Variants in NQO2 observed in about 807,000 individuals in gnomAD.
NQO2 encodes the protein ribosyldihydronicotinamide dehydrogenase [quinone].
A neutral mutation model predicts 22.0 loss-of-function variants in NQO2; 18 were observed. The ratio of observed to expected loss-of-function variants is 0.82; its 90% CI spans 0.56 to 1.21. NQO2 has a LOEUF of 1.21. NQO2 is among the 50% of genes most tolerant of loss of function. The pLI is 0.00. For synonymous variants in NQO2, 106 were observed against 110.8 expected (o/e 0.96, Z 0.28); for missense variants, 267 against 286.9 (o/e 0.93, Z 0.50).
intron 6 of NQO2, 50 bp downstream of exon 6, chr6:3,017,035 GACAC>G (rs1427037241): frequency 1.9e-6 from 3 of 1,595,220 alleles, no homozygotes; most frequent in Admixed American, 1.7e-5. Flanking sequence ...CGCACACACA[GACAC>G]ACACATGCAC....
chr6:3,012,448 T>A, intron 3 of NQO2, 96 bp from the exon 4 acceptor site: 1 of 1,535,698 alleles, frequency 6.5e-7, no homozygotes, highest in South Asian at 1.3e-5. Context: ...CTTTGACTTG[T>A]CTGAGGAGTC....
chr6:3,018,088 T>A (rs1276793290), intron 6 of NQO2, among the ~76,000 whole-genome samples: 1 of 152,238 alleles, frequency 6.6e-6, no homozygotes, highest in Non-Finnish European at 1.5e-5. Context: ...TTCAATTATA[T>A]CTTCTAAAAG....
chr6:3,015,582 G>A lies in NQO2; in HGVS notation c.356G>A (p.Arg119Lys). 1 of 1,614,176 alleles carries A rather than the reference G, an allele frequency of 6.2e-7. No homozygotes were observed. The highest frequency in any genetic ancestry group is 8.5e-7 in the Non-Finnish European group (1 of 1,180,032). ...VPAILKGWMD[R>K]VLCQGFAFDI... Reference sequence around the variant, plus strand: ...GCCATCCTGAAGGGCTGGATGGATAGGGTGCTGTGCCAGGGCTTTGCCTTT... The same window carrying A: ...GCCATCCTGAAGGGCTGGATGGATAAGGTGCTGTGCCAGGGCTTTGCCTTT... Residue 119 changes from arginine to lysine, a missense_variant, in exon 5 of 7, where the codon AGG becomes AAG. By Grantham distance (26) the Arg-to-Lys change is conservative. Transcript: ENST00000380455.
intron 5 of NQO2, 103 bp from the exon 6 acceptor site, chr6:3,016,781 G>C (rs1581335500): frequency 6.5e-7 from 1 of 1,527,446 alleles, no homozygotes; most frequent in Non-Finnish European, 8.8e-7. Context: ...GTGTCCACAC[G>C]CATGTTCCCT....
chr6:3,012,335 C>T (rs936365244), intron 3 of NQO2: 2 of 951,470 alleles, frequency 2.1e-6, no homozygotes, highest in Non-Finnish European at 2.5e-6. Context: ...TAGAGCACAG[C>T]ACCTGCTAGG....
chr6:3,016,782 C>T, intron 5 of NQO2, 102 bp from the exon 6 acceptor site: 2 of 1,530,906 alleles, frequency 1.3e-6, no homozygotes, highest in East Asian at 2.4e-5. Flanking sequence ...TGTCCACACG[C>T]ATGTTCCCTG....
At chr6:3,017,647 T>C (rs914894176) in intron 6 of NQO2, among the ~76,000 whole-genome samples, 1 of 152,146 alleles carries the variant, frequency 6.6e-6, no homozygotes, top group African/African-American at 2.4e-5. Context: ...GCAGAGCAGT[T>C]CCAACGTGCT....
chr6:3,006,078 C>T lies in NQO2; in HGVS notation c.-85-390C>T, dbSNP rs1294582927. Among the ~76,000 whole-genome samples the T allele has an allele frequency of 6.6e-6, 1 of 152,190 alleles. No homozygotes were observed. Among genetic ancestry groups the T allele is most frequent in the Non-Finnish European group, 1.5e-5 (1 of 68,032 alleles). ...TGGCCCACCAGAGTCTGGCACCAGC[C>T]GAGGAGTGCACGCACCCATTGGTGG... On this transcript the variant is annotated intron_variant, in intron 1 of 6. Transcript: ENST00000380455. The surrounding 1 kb of genome is among the most constrained non-coding windows in gnomAD (Gnocchi z 4.0).
chr6:3,006,798 C>A lies in NQO2; in HGVS notation c.7+239C>A. The A allele has an allele frequency of 2.1e-6, 1 of 467,492 alleles. No homozygotes were observed. Among genetic ancestry groups the A allele is most frequent in the Non-Finnish European group, 3.7e-6 (1 of 268,658 alleles). 29.0% of individuals were successfully genotyped at this position (467,492 alleles called of 1,614,324 possible). On this transcript the variant is annotated intron_variant, in intron 2 of 6. Coordinates refer to ENST00000380455, the MANE Select transcript of NQO2 (RefSeq NM_000904.6). The surrounding 1 kb of genome is among the most constrained non-coding windows in gnomAD (Gnocchi z 4.0). The stretch of plus-strand genomic sequence containing the variant: ...CTATGTTCTCACTTGTTTCATTGTT[C>A]CTTTCGACTCCCTCCAGAATTTAGG...
At position 3,006,444 on chromosome 6, in the gene NQO2, C is replaced by T. The variant is rs1192505923; in HGVS notation, c.-85-24C>T. The stretch of plus-strand genomic sequence containing the variant: ...CCTCACCTATGCCTCTCCCCACCCC[C>T]TCTGGGTTCGTTTTGTCTTCCAGAT... On this transcript the variant is annotated intron_variant, in intron 1 of 6. Transcript: ENST00000380455. This position sits in a 1 kb window ranked among gnomAD's most constrained non-coding sequence, Gnocchi z 4.0. The T allele has an allele frequency of 1.3e-6, 2 of 1,587,690 alleles. No homozygotes were observed. The highest frequency in any genetic ancestry group is 1.7e-6 in the Non-Finnish European group (2 of 1,168,222).
At chr6:3,000,479 C>G (rs369933462) in intron 1 of NQO2, 7 of 151,722 alleles carry the variant, frequency 4.6e-5, no homozygotes, top group African/African-American at 1.7e-4. Flanking sequence ...CATTGTGGCA[C>G]TGTGGAAAAA....
At position 3,017,116 on chromosome 6, in the gene NQO2, G is replaced by A. The variant is rs576384646; in HGVS notation, c.519+131G>A. The A allele has an allele frequency of 9.4e-5, 98 of 1,046,320 alleles. 6 individuals carry two copies. The South Asian group carries it at 1.5e-3, about 16-fold the overall frequency. The allele number at this position is 1,046,320 out of a possible 1,614,324, so 64.8% of individuals were successfully genotyped here. On this transcript the variant is annotated intron_variant, in intron 6 of 6. Coordinates refer to ENST00000380455, the MANE Select transcript of NQO2 (RefSeq NM_000904.6). Reference sequence around the variant, plus strand: ...GCTCCCCGAGGGGTGAGATGAGATGGGATGGAAGCGTGATGCCCCACACCA... The same window carrying A: ...GCTCCCCGAGGGGTGAGATGAGATGAGATGGAAGCGTGATGCCCCACACCA...
chr6:3,017,728 G>A (rs1757385172), intron 6 of NQO2, among the ~76,000 whole-genome samples: 1 of 152,186 alleles, frequency 6.6e-6, no homozygotes, highest in South Asian at 2.1e-4. Flanking sequence ...CTCCAGGTCA[G>A]GGGCTCCAGG....
chr6:3,006,776 T>C lies in NQO2; in HGVS notation c.7+217T>C. On this transcript the variant is annotated intron_variant, in intron 2 of 6. Coordinates refer to ENST00000380455, the MANE Select transcript of NQO2 (RefSeq NM_000904.6). The surrounding 1 kb of genome is among the most constrained non-coding windows in gnomAD (Gnocchi z 4.0). Reference sequence around the variant, plus strand: ...CTATCTGGAATTATCTTGTTTTCTATGTTCTCACTTGTTTCATTGTTCCTT... The same window carrying C: ...CTATCTGGAATTATCTTGTTTTCTACGTTCTCACTTGTTTCATTGTTCCTT... The C allele has an allele frequency of 2.0e-6, 1 of 498,958 alleles. No homozygotes were observed. The highest frequency in any genetic ancestry group is 3.5e-6 in the Non-Finnish European group (1 of 287,178). The allele number at this position is 498,958 out of a possible 1,614,324, so 30.9% of individuals were successfully genotyped here.
Position 3,006,110 on chromosome 6 carries a change from G to A in NQO2, c.-85-358G>A, listed in dbSNP as rs1269397411. Among the ~76,000 whole-genome samples the A allele has an allele frequency of 2.0e-5, 3 of 152,276 alleles. No homozygotes were observed. The highest frequency in any genetic ancestry group is 1.9e-4 in the East Asian group (1 of 5,188). On this transcript the variant is annotated intron_variant, in intron 1 of 6. Transcript: ENST00000380455. The surrounding 1 kb of genome is among the most constrained non-coding windows in gnomAD (Gnocchi z 4.0). ...TGCACGCACCCATTGGTGGTGTGGC[G>A]GTTCACTGATCCCCCAGCCTTCTGC...
intron 1 of NQO2, among the ~76,000 whole-genome samples, chr6:3,005,014 C>T (rs1756894494): frequency 6.6e-6 from 1 of 152,024 alleles, no homozygotes; most frequent in African/African-American, 2.4e-5. Context: ...AGGCTGGTCT[C>T]GGACTCCTGA....
intron 4 of NQO2, among the ~76,000 whole-genome samples, chr6:3,012,953 T>TTTTTTTTTTTC (rs1192515211): frequency 2.5e-5 from 2 of 80,000 alleles, no homozygotes; most frequent in African/African-American, 1.1e-4. Flanking sequence ...CTACTTTTTT[T>TTTTTTTTTTTC]TTTTTTTTTT....
At position 3,016,880 on chromosome 6, in the gene NQO2, G is replaced by A; in HGVS notation, c.418-4G>A. 6.2e-7 allele frequency: 1 copy of A among 1,613,392 alleles called. No homozygotes were observed. The highest frequency in any genetic ancestry group is 8.5e-7 in the Non-Finnish European group (1 of 1,179,982). The stretch of plus-strand genomic sequence containing the variant: ...CACAAATGCATCTGCTTTCTCCCTT[G>A]CAGGGTAAACTAGCGCTCCTTTCCG... On this transcript the variant is annotated splice_polypyrimidine_tract_variant and splice_region_variant and intron_variant, in intron 5 of 6. Coordinates refer to ENST00000380455, the MANE Select transcript of NQO2 (RefSeq NM_000904.6).
chr6:3,017,329 T>C (rs1757367496), intron 6 of NQO2, among the ~76,000 whole-genome samples: 1 of 152,122 alleles, frequency 6.6e-6, no homozygotes, highest in Admixed American at 6.5e-5. Flanking sequence ...TGGCCCTGCG[T>C]GTGTTGTGAT....
Sources: gnomAD v4.1 joint callset for allele counts (sites outside exome capture counted in the v4.1 genomes callset) on GRCh38, gnomAD v4.1.1 for gene constraint, Gnocchi (gnomAD v3.1) non-coding constraint, MANE v1.5 for transcripts, NCBI Gene and HGNC (gene_info 2026-07-23, HGNC 2026-07-21) for gene names.